RPAP3: variants seen among roughly 807,000 people sequenced by gnomAD.
RPAP3 encodes the protein RNA polymerase II associated protein 3.
Under a neutral mutation model 88.8 loss-of-function variants are expected in RPAP3, and 58 were observed. The observed-to-expected ratio is 0.65, with a 90% CI of 0.53 to 0.81. RPAP3 has a LOEUF of 0.81. Ranked by LOEUF, RPAP3 falls within the 40% of genes least tolerant of loss-of-function variation. RPAP3 has a pLI of 0.00. For synonymous variants in RPAP3, 255 were observed against 259.9 expected (o/e 0.98, Z 0.18); for missense variants, 751 against 764.3 (o/e 0.98, Z 0.20).
chr12:47,685,849 G>T (rs765709330), intron 9 of RPAP3, among the ~76,000 whole-genome samples: 1 of 152,062 alleles, frequency 6.6e-6, no homozygotes, highest in Non-Finnish European at 1.5e-5. Context: ...CTGTAATTCT[G>T]AATATTGGTG....
intron 5 of RPAP3, 61 bp downstream of exon 5, chr12:47,696,215 T>TA: frequency 7.5e-7 from 1 of 1,331,930 alleles, no homozygotes; most frequent in African/African-American, 1.5e-5. Context: ...CACTTTTTTT[T>TA]AATAAGTCTC....
At chr12:47,683,886 A>T (rs1364767962) in intron 9 of RPAP3, among the ~76,000 whole-genome samples, 2 of 152,076 alleles carry the variant, frequency 1.3e-5, no homozygotes, top group Non-Finnish European at 2.9e-5. Context: ...CCTCTACTAA[A>T]TCAAGTCTTA....
Position 47,669,079 on chromosome 12 carries a change from T to C in RPAP3, c.1550A>G (p.Asp517Gly). 2 of 1,613,774 alleles carry C rather than the reference T, an allele frequency of 1.2e-6. No individual in the cohort carries two copies. The highest frequency in any genetic ancestry group is 1.7e-4 in the Middle Eastern group (1 of 6,058). Residue 517 changes from aspartate (D) to glycine (G), a missense_variant, in exon 14 of 17, where the codon GAT (aspartate) becomes GGT (glycine). Coordinates refer to ENST00000005386, the MANE Select transcript of RPAP3 (RefSeq NM_024604.3). ...SLQPQASLKQ[D>G]VCQSYSEKMP... is the part of the protein sequence containing the mutation. ...TTTCTCGCTGTAAGACTGACATACA[T>C]CCTGCTTCAAACTGGCTTGAGGTCT...
intron 9 of RPAP3, among the ~76,000 whole-genome samples, chr12:47,685,469 T>C (rs1939304967): frequency 6.6e-6 from 1 of 152,092 alleles, no homozygotes; most frequent in African/African-American, 2.4e-5. Flanking sequence ...CTATTCAGAA[T>C]TACAGTAAAA....
chr12:47,704,256 T>A (rs779358717), intron 1 of RPAP3, among the ~76,000 whole-genome samples: 1 of 151,846 alleles, frequency 6.6e-6, no homozygotes, highest in Admixed American at 6.6e-5. Context: ...AAACCTAGAG[T>A]GTACTGTTAC....
chr12:47,696,287 A>C lies in RPAP3; in HGVS notation c.534T>G (p.Phe178Leu). Reference protein sequence around the residue: ...VLPTNRASAYFRLKKFAVAES... With the variant: ...VLPTNRASAYLRLKKFAVAES... ...CAGAAAGTCCTTACTTTTTCAGTCT[A>C]AAATATGCTGACGCTCTGTTCGTTG... Residue 178 changes from phenylalanine (F) to leucine (L), a missense_variant, in exon 5 of 17, where the codon TTT becomes TTG. Transcript: ENST00000005386. 6.4e-7 allele frequency: 1 copy of C among 1,558,404 alleles called. No individual in the cohort carries two copies. Among genetic ancestry groups the C allele is most frequent in the East Asian group, 2.4e-5 (1 of 42,516 alleles).
chr12:47,667,915 C>A, intron 14 of RPAP3, 64 bp from the exon 15 acceptor site: 1 of 1,039,556 alleles, frequency 9.6e-7, no homozygotes. Flanking sequence ...AATTACACAA[C>A]AATTGCTTGG....
chr12:47,685,826 G>C (rs1325342200), intron 9 of RPAP3, among the ~76,000 whole-genome samples: 1 of 151,762 alleles, frequency 6.6e-6, no homozygotes, highest in Non-Finnish European at 1.5e-5. Flanking sequence ...ATAAGCAGCA[G>C]GTTAAATTTG....
intron 9 of RPAP3, among the ~76,000 whole-genome samples, chr12:47,684,610 G>A (rs1939286807): frequency 6.6e-6 from 1 of 152,118 alleles, no homozygotes; most frequent in Non-Finnish European, 1.5e-5. Flanking sequence ...AATATACTCT[G>A]CTAACTTGGT....
intron 16 of RPAP3, among the ~76,000 whole-genome samples, chr12:47,664,064 A>G (rs1938814599): frequency 6.6e-6 from 1 of 152,230 alleles, no homozygotes; most frequent in Non-Finnish European, 1.5e-5. Flanking sequence ...AAATATTTTT[A>G]TATTACAAAA....
chr12:47,697,758 T>C (rs377669093), intron 3 of RPAP3, 39 bp from the exon 4 acceptor site: 15 of 1,545,798 alleles, frequency 9.7e-6, no homozygotes, highest in African/African-American at 1.4e-5. Context: ...CATAATTATA[T>C]GATTAGGAAA....
In RPAP3 at chr12:47,670,158, G is replaced by T; in HGVS notation, c.1475C>A (p.Pro492Gln). 1 of 1,613,600 alleles carries T rather than the reference G, an allele frequency of 6.2e-7. No individual in the cohort carries two copies. Among genetic ancestry groups the T allele is most frequent in the Non-Finnish European group, 8.5e-7 (1 of 1,179,624 alleles). Reference sequence around the variant, plus strand: ...TTCTATTTTCAATACTTTTGCTCTTGGAGTATCACTTGTGGGAAAAAGGTC... The same window carrying T: ...TTCTATTTTCAATACTTTTGCTCTTTGAGTATCACTTGTGGGAAAAAGGTC... ...QDDLFPTSDT[P>Q]RAKVLKIEEV... Residue 492 changes from proline to glutamine, a missense_variant, in exon 13 of 17, where the codon CCA (proline) becomes CAA (glutamine). Physicochemically the swap from Pro to Gln is moderately conservative, Grantham distance 76. Transcript: ENST00000005386.
rs1354433044 is a variant in RPAP3, at chr12:47,687,977, A to G, written c.763T>C (p.Tyr255His). 1.2e-6 allele frequency: 2 copies of G among 1,613,094 alleles called. No individual in the cohort carries two copies. Among genetic ancestry groups the G allele is most frequent in the African/African-American group, 2.7e-5 (2 of 74,894 alleles). Residue 255 changes from tyrosine (Y) to histidine (H), a missense_variant, in exon 8 of 17, where the codon TAT becomes CAT. Coordinates refer to ENST00000005386, the MANE Select transcript of RPAP3 (RefSeq NM_024604.3). ...ATCACTATGTCAGCTTCCTTTGGAT[A>G]TGAGTTTTCTTTGGATGCTAAAGCC... ...SQALASKENS[Y>H]PKEADIVIKS...
At chr12:47,673,098 CTAGATT>C (rs532668988) in intron 12 of RPAP3, among the ~76,000 whole-genome samples, 3 of 151,996 alleles carry the variant, frequency 2.0e-5, no homozygotes, top group Non-Finnish European at 4.4e-5. Flanking sequence ...GTGAAAACAA[CTAGATT>C]TATGCCTAGC....
At chr12:47,695,230 A>G (rs1400082812) in intron 5 of RPAP3, among the ~76,000 whole-genome samples, 1 of 152,154 alleles carries the variant, frequency 6.6e-6, no homozygotes, top group South Asian at 2.1e-4. Flanking sequence ...AAATTATCCT[A>G]TATAACAGTT....
chr12:47,679,822 T>C (rs765656382), intron 10 of RPAP3, 48 bp from the exon 11 acceptor site: 1 of 1,315,226 alleles, frequency 7.6e-7, no homozygotes, highest in Non-Finnish European at 1.1e-6. Flanking sequence ...AAATGTGGAG[T>C]TTTCATATTC....
rs1939177728 is a variant in RPAP3, at chr12:47,679,367, G to A, written c.1287+126C>T. 4 of 582,816 alleles carry A rather than the reference G, an allele frequency of 6.9e-6. No individual in the cohort carries two copies. The South Asian group carries it at 9.9e-5, about 14-fold the overall frequency. 36.1% of individuals were successfully genotyped at this position (582,816 alleles called of 1,614,324 possible). ...CCTATGTATCAGATCTGCACGTTGT[G>A]CACATGTACCCTAGAACTTAAAGTA... On this transcript the variant is annotated intron_variant, in intron 12 of 16. Transcript: ENST00000005386.
chr12:47,668,668 G>A (rs1279933814), intron 14 of RPAP3, among the ~76,000 whole-genome samples: 1 of 152,106 alleles, frequency 6.6e-6, no homozygotes, highest in Non-Finnish European at 1.5e-5. Flanking sequence ...TTAAGCTTAA[G>A]CTAATATATA....
chr12:47,687,017 A>G (rs994322225), intron 8 of RPAP3, 110 bp from the exon 9 acceptor site: 3 of 660,916 alleles, frequency 4.5e-6, no homozygotes, highest in Admixed American at 3.6e-5. Context: ...TATTTCAAGA[A>G]AGAATATTGT....
Sources: gnomAD v4.1 joint callset for allele counts (sites outside exome capture counted in the v4.1 genomes callset) on GRCh38, gnomAD v4.1.1 for gene constraint, MANE v1.5 for transcripts, NCBI Gene and HGNC (gene_info 2026-07-23, HGNC 2026-07-21) for gene names.